The following MME variants were observed in gnomAD, a reference collection of about 807,000 sequenced individuals.
MME encodes neprilysin.
In MME, 98 loss-of-function variants were observed where a neutral mutation model predicts 113.2. That is an observed-to-expected ratio of 0.87 (90% CI 0.74 to 1.02). The LOEUF is 1.02. MME is among the 50% of genes least tolerant of loss of function. MME has a pLI of 0.00. For synonymous variants in MME, 292 were observed against 300.6 expected, an observed-to-expected ratio of 0.97 and a Z score of 0.30; for missense variants, 836 against 896.0, an observed-to-expected ratio of 0.93 and a Z score of 0.86.
In MME at chr3:155,172,590, G is replaced by GGAGTTT. The variant is rs1169384148; in HGVS notation, c.2131_2132insGAGTTT (p.Val711delinsGlyValLeu). 3 of 1,612,784 alleles carry GGAGTTT rather than the reference G, an allele frequency of 1.9e-6. No homozygotes were observed. Among genetic ancestry groups the GGAGTTT allele is most frequent in the Non-Finnish European group, 2.5e-6 (3 of 1,179,146 alleles). ...TGCGGTTAACTCCATTAAAACAGAT[G>GGAGTTT]TGCACAGTCCAGGCAATTTCAGGTG... On this transcript the variant is annotated protein_altering_variant, in exon 22 of 23. Transcript: ENST00000360490.
intron 1 of MME, among the ~76,000 whole-genome samples, chr3:155,052,425 C>A (rs554882124): frequency 6.6e-6 from 1 of 152,346 alleles, no homozygotes; most frequent in Non-Finnish European, 1.5e-5. Context: ...TTCTGTCCAT[C>A]CTCTGAAATC....
In MME at chr3:155,171,758, C is replaced by T. The variant is rs61760404; in HGVS notation, c.1981-359C>T. On this transcript the variant is annotated intron_variant, in intron 20 of 22. Coordinates refer to ENST00000360490, the MANE Select transcript of MME (RefSeq NM_007289.4). The stretch of plus-strand genomic sequence containing the variant: ...AGTTAAATGTAGCAATTGCAGACTT[C>T]CTTGGCAATTCATTTGTCCTGACTG... Among the ~76,000 whole-genome samples the T allele has an allele frequency of 3.8e-3, 581 of 152,222 alleles. 2 individuals carry two copies. Among genetic ancestry groups the T allele is most frequent in the Non-Finnish European group, 6.6e-3 (452 of 68,008 alleles).
chr3:155,035,585 T>C (rs1713102262), intron 1 of MME, among the ~76,000 whole-genome samples: 1 of 152,066 alleles, frequency 6.6e-6, no homozygotes, highest in East Asian at 1.9e-4. Context: ...GAAGGTGGCA[T>C]TTGAAGAGAA....
intron 1 of MME, among the ~76,000 whole-genome samples, chr3:155,038,416 T>C (rs754528162): frequency 2.6e-5 from 4 of 151,402 alleles, no homozygotes; most frequent in Non-Finnish European, 5.9e-5. Context: ...TTGCTGGTCA[T>C]TGCGGATCCA....
intron 16 of MME, among the ~76,000 whole-genome samples, chr3:155,157,169 A>G (rs1722378683): frequency 6.6e-6 from 1 of 152,064 alleles, no homozygotes; most frequent in Admixed American, 6.6e-5. Context: ...AATGCCCCCA[A>G]ACGAGAATAA....
At position 155,030,227 on chromosome 3, in the gene MME, C is replaced by A. The variant is rs546140857; in HGVS notation, c.-11+5903C>A. Reference sequence around the variant, plus strand: ...ATAAACTTTAAGCCAATGTCTTCCTCACTGTAAAAGTTTCTAGTGGTTTAG... The same window carrying A: ...ATAAACTTTAAGCCAATGTCTTCCTAACTGTAAAAGTTTCTAGTGGTTTAG... On this transcript the variant is annotated intron_variant, in intron 1 of 22. Transcript: ENST00000492661. 1.9e-4 allele frequency among the ~76,000 whole-genome samples: 29 copies of A among 152,288 alleles called. No homozygotes were observed. The South Asian group carries it at 5.6e-3, about 29-fold the overall frequency.
intron 1 of MME, among the ~76,000 whole-genome samples, chr3:155,034,506 A>G (rs1173014217): frequency 6.6e-6 from 1 of 152,242 alleles, no homozygotes; most frequent in Non-Finnish European, 1.5e-5. Context: ...GAAGAGGTAC[A>G]GAGCCTTATT....
At chr3:155,118,296 A>C in intron 7 of MME, among the ~76,000 whole-genome samples, 1 of 152,190 alleles carries the variant, frequency 6.6e-6, no homozygotes, top group East Asian at 1.9e-4. Flanking sequence ...AAGAATATTA[A>C]CCCACTCCCA....
chr3:155,127,625 T>TA (rs1033138734), intron 8 of MME, among the ~76,000 whole-genome samples: 2 of 152,238 alleles, frequency 1.3e-5, no homozygotes, highest in African/African-American at 4.8e-5. Context: ...CAATGTCATT[T>TA]AGCATACTCT....
chr3:155,076,671 C>T (rs975796637), upstream of MME, among the ~76,000 whole-genome samples: 8 of 152,144 alleles, frequency 5.3e-5, no homozygotes, highest in South Asian at 2.1e-4. Context: ...GCAGCATAGG[C>T]GGCTTGACTG....
chr3:155,142,835 T>C (rs998869529), intron 12 of MME, among the ~76,000 whole-genome samples: 1 of 152,020 alleles, frequency 6.6e-6, no homozygotes, highest in Non-Finnish European at 1.5e-5. Flanking sequence ...GAGTAGGCAG[T>C]AGGGATTGAG....
chr3:155,153,625 A>G (rs1187069097), intron 16 of MME, among the ~76,000 whole-genome samples: 3 of 152,206 alleles, frequency 2.0e-5, no homozygotes, highest in African/African-American at 4.8e-5. Flanking sequence ...TTCTCAGGAC[A>G]GAACTTCCTG....
chr3:155,173,954 T>G (rs114418230), intron 22 of MME, among the ~76,000 whole-genome samples: 196 of 152,206 alleles, frequency 1.3e-3, no homozygotes, highest in African/African-American at 4.5e-3. Context: ...TCATGAGAGT[T>G]GCTAGAGGAT....
chr3:155,171,420 A>T (rs931187231), intron 20 of MME, among the ~76,000 whole-genome samples: 20 of 152,212 alleles, frequency 1.3e-4, no homozygotes, highest in Non-Finnish European at 2.1e-4. Context: ...GAAATGACAC[A>T]TCTCAGAACG....
chr3:155,170,288 A>G (rs1343253412), intron 20 of MME, among the ~76,000 whole-genome samples: 1 of 152,126 alleles, frequency 6.6e-6, no homozygotes, highest in Non-Finnish European at 1.5e-5. Flanking sequence ...CAAGCGATCC[A>G]CCTGCCTTGG....
At position 155,130,710 on chromosome 3, in the gene MME, G is replaced by C. The variant is rs553181399; in HGVS notation, c.721-7392G>C. ...CCTGTAGATGAGCAGGTGCAAGCTG[G>C]AACTGGGATTAAACAAGAGGGGATT... On this transcript the variant is annotated intron_variant, in intron 8 of 22. Coordinates refer to ENST00000360490, the MANE Select transcript of MME (RefSeq NM_007289.4). Among the ~76,000 whole-genome samples the C allele has an allele frequency of 2.8e-4, 43 of 152,262 alleles. 1 individual carries two copies. Among genetic ancestry groups the C allele is most frequent in the African/African-American group, 8.7e-4 (36 of 41,556 alleles).
At position 155,115,014 on chromosome 3, in the gene MME, A is replaced by G. The variant is rs149683309; in HGVS notation, c.217A>G (p.Met73Val). 3.0e-5 allele frequency: 49 copies of G among 1,614,148 alleles called. No homozygotes were observed. In the African/African-American group the frequency reaches 4.9e-4, roughly 16 times the overall value. ...TGCAGCTGCTCGACTGATCCAAAAC[A>G]TGGATGCCACCACTGAGCCTTGTAC... ...IKSAARLIQN[M>V]DATTEPCTDF... The change falls in exon 4 of 23, where the codon ATG (methionine) becomes GTG (valine). Residue 73 changes from methionine (M) to valine (V), a missense_variant. Transcript: ENST00000360490.
At chr3:155,133,062 A>AAAATATAT (rs1553762419) in intron 8 of MME, among the ~76,000 whole-genome samples, 2 of 75,100 alleles carry the variant, frequency 2.7e-5, no homozygotes, top group Non-Finnish European at 5.2e-5. Flanking sequence ...AAAAAAAAAA[A>AAAATATAT]ATATATATAT....
intron 1 of MME, among the ~76,000 whole-genome samples, chr3:155,060,856 A>AGAGAGT (rs1553751144): frequency 2.0e-5 from 3 of 150,596 alleles, no homozygotes; most frequent in African/African-American, 7.4e-5. Flanking sequence ...AGAGAGAGAG[A>AGAGAGT]GAGTGAGAGA....
Sources: allele counts gnomAD v4.1 joint callset (sites outside exome capture counted in the v4.1 genomes callset), GRCh38; gene constraint gnomAD v4.1.1; transcripts MANE v1.5; gene names NCBI Gene and HGNC (gene_info 2026-07-23, HGNC 2026-07-21).